ZNF827: variants seen among roughly 807,000 people sequenced by gnomAD.
ZNF827 encodes zinc finger protein 827.
Under a neutral mutation model 102.4 loss-of-function variants are expected in ZNF827, and 13 were observed. That is an observed-to-expected ratio of 0.13 (90% CI 0.08 to 0.20). The LOEUF (loss-of-function observed/expected upper bound fraction) is 0.20, where lower values mean the gene tolerates loss of function less well. Among genes scored for constraint, ZNF827 ranks in the 10% least tolerant of loss-of-function variants. The pLI is 1.00. For synonymous variants in ZNF827, 523 were observed against 536.2 expected, an observed-to-expected ratio of 0.98 and a Z score of 0.34; for missense variants, 1,103 against 1,344.4, an observed-to-expected ratio of 0.82 and a Z score of 2.81.
rs370783606 is a variant in ZNF827, at chr4:145,775,963, G to A, written c.2522-3C>T. 1.2e-6 allele frequency: 2 copies of A among 1,614,100 alleles called. No individual in the cohort carries two copies. The highest frequency in any genetic ancestry group is 8.5e-7 in the Non-Finnish European group (1 of 1,180,012). On this transcript the variant is annotated splice_polypyrimidine_tract_variant and splice_region_variant and intron_variant, in intron 9 of 14. Transcript: ENST00000508784. ...GTGGCATTTGTATTTTCTTTCCTCT[G>A]GGGGAGAAGGAACAGGAAAAAGCCC...
intron 1 of ZNF827, among the ~76,000 whole-genome samples, chr4:145,937,042 G>A (rs1321076101): frequency 6.6e-6 from 1 of 152,038 alleles, no homozygotes; most frequent in Non-Finnish European, 1.5e-5. Flanking sequence ...TGCATTCAAG[G>A]AGCCGGGCGG....
intron 2 of ZNF827, among the ~76,000 whole-genome samples, chr4:145,892,754 ACAGT>A (rs1264364054): frequency 6.6e-6 from 1 of 152,064 alleles, no homozygotes; most frequent in East Asian, 1.9e-4. Context: ...GGCACCATGC[ACAGT>A]CAGAGAAGTC....
At chr4:145,933,338 G>A (rs1478746593) in intron 1 of ZNF827, among the ~76,000 whole-genome samples, 1 of 152,114 alleles carries the variant, frequency 6.6e-6, no homozygotes, top group African/African-American at 2.4e-5. Context: ...TGCTACTTGA[G>A]ACTCAAATTT....
At position 145,938,674 on chromosome 4, in the gene ZNF827, G is replaced by A. The variant is rs1358757572; in HGVS notation, c.-267C>T. 1 of 496,856 alleles carries A rather than the reference G, an allele frequency of 2.0e-6. No homozygotes were observed. Among genetic ancestry groups the A allele is most frequent in the Non-Finnish European group, 3.6e-6 (1 of 278,226 alleles). 30.8% of individuals were successfully genotyped at this position (496,856 alleles called of 1,614,324 possible). A position where few individuals can be genotyped will look rare whatever the true frequency, so the allele number is the denominator to read the frequency against. On this transcript the variant is annotated 5_prime_UTR_variant, in exon 1 of 15. It adds an upstream start codon to the 5' untranslated region. Transcript: ENST00000508784. ...TCGTGCACCTGGCTTGTCCCCGAGC[G>A]TAATATTCTTCAATGGAAACGGATC...
intron 8 of ZNF827, among the ~76,000 whole-genome samples, chr4:145,820,582 A>G (rs1239114837): frequency 6.6e-6 from 1 of 152,102 alleles, no homozygotes; most frequent in Non-Finnish European, 1.5e-5. Context: ...TGGCTTCCCT[A>G]TTTCTGCACA....
chr4:145,925,636 T>C (rs1378961614), intron 1 of ZNF827, among the ~76,000 whole-genome samples: 1 of 152,222 alleles, frequency 6.6e-6, no homozygotes, highest in Non-Finnish European at 1.5e-5. Context: ...GTCACTGCTC[T>C]AACATGACAC....
chr4:145,885,087 G>T (rs1410212940), intron 4 of ZNF827, among the ~76,000 whole-genome samples: 1 of 151,678 alleles, frequency 6.6e-6, no homozygotes, highest in Non-Finnish European at 1.5e-5. Flanking sequence ...ACCTAAAATG[G>T]TTAAAATGGT....
At chr4:145,882,855 C>T (rs928947668) in intron 4 of ZNF827, among the ~76,000 whole-genome samples, 2 of 152,122 alleles carry the variant, frequency 1.3e-5, no homozygotes, top group African/African-American at 4.8e-5. Flanking sequence ...AGAACAATGG[C>T]GCCGTTATAA....
chr4:145,799,579 G>A (rs1332549832), intron 8 of ZNF827, among the ~76,000 whole-genome samples: 15 of 152,162 alleles, frequency 9.9e-5, no homozygotes, highest in Admixed American at 7.2e-4. Flanking sequence ...CCAGACATCT[G>A]AGCAGAGACT....
At chr4:145,776,048 G>A in intron 9 of ZNF827, 88 bp from the exon 10 acceptor site, 1 of 1,479,944 alleles carries the variant, frequency 6.8e-7, no homozygotes, top group African/African-American at 1.4e-5. Flanking sequence ...AGGTATCAAG[G>A]AAAGAATGGT....
At chr4:145,823,284 T>A in intron 8 of ZNF827, 138 bp downstream of exon 8, 1 of 663,406 alleles carries the variant, frequency 1.5e-6, no homozygotes, top group Non-Finnish European at 2.5e-6. Context: ...TTAAATTGAG[T>A]TTCTCCTTCT....
At chr4:145,915,085 T>C (rs1257550949) in intron 1 of ZNF827, among the ~76,000 whole-genome samples, 1 of 152,214 alleles carries the variant, frequency 6.6e-6, no homozygotes, top group Non-Finnish European at 1.5e-5. Context: ...TGCTGCATCA[T>C]GACAACAGAA....
chr4:145,759,347 C>T lies in ZNF827; in HGVS notation c.*2269G>A, dbSNP rs1271446497. 6.6e-6 allele frequency: 1 copy of T among 152,208 alleles called. No individual in the cohort carries two copies. Among genetic ancestry groups the T allele is most frequent in the African/African-American group, 2.4e-5 (1 of 41,446 alleles). 9.4% of individuals were successfully genotyped at this position (152,208 alleles called of 1,614,324 possible). ...AGCAAAGAGCTTTACAACCAACCCA[C>T]ACCTGCTTCCTGCTGCAATAAAGTG... On this transcript the variant is annotated 3_prime_UTR_variant, in exon 15 of 15. Coordinates refer to ENST00000508784, the MANE Select transcript of ZNF827 (RefSeq NM_001306215.2).
At chr4:145,883,003 A>G (rs573466277) in intron 4 of ZNF827, among the ~76,000 whole-genome samples, 2 of 152,118 alleles carry the variant, frequency 1.3e-5, no homozygotes, top group African/African-American at 2.4e-5. Flanking sequence ...CAGGTAGGGC[A>G]TCACAGTGAG....
At chr4:145,886,508 T>G (rs1750131248) in intron 3 of ZNF827, among the ~76,000 whole-genome samples, 1 of 152,168 alleles carries the variant, frequency 6.6e-6, no homozygotes, top group Non-Finnish European at 1.5e-5. Context: ...AATTACTAGT[T>G]GGGGATCAAA....
Position 145,763,053 on chromosome 4 carries a change from G to T in ZNF827, c.*17+37C>A. 1 of 1,527,382 alleles carries T rather than the reference G, an allele frequency of 6.5e-7. No individual in the cohort carries two copies. Among genetic ancestry groups the T allele is most frequent in the Non-Finnish European group, 8.8e-7 (1 of 1,139,884 alleles). The allele number at this position is 1,527,382 out of a possible 1,614,324, so 94.6% of individuals were successfully genotyped here. ...AAATATAAAGCCCATTCCCAGGTCA[G>T]GTGCACACACAACCCCTACGCCAAG... On this transcript the variant is annotated intron_variant, in intron 14 of 14. Coordinates refer to ENST00000508784, the MANE Select transcript of ZNF827 (RefSeq NM_001306215.2). This position sits in a 1 kb window ranked among gnomAD's most constrained non-coding sequence, Gnocchi z 4.6.
chr4:145,923,623 G>A (rs1055285284), intron 1 of ZNF827, among the ~76,000 whole-genome samples: 2 of 151,992 alleles, frequency 1.3e-5, no homozygotes, highest in Admixed American at 6.6e-5. Context: ...ACTGAATGCC[G>A]TAGCAGATAG....
intron 1 of ZNF827, among the ~76,000 whole-genome samples, chr4:145,918,415 T>A (rs4502697): frequency 0.6 from 72,107 of 120,900 alleles, 21,530 homozygotes; most frequent in African/African-American, 0.84. Context: ...TCTTTATATA[T>A]AAAAAAAAAA....
chr4:145,805,429 C>G (rs895826017), intron 8 of ZNF827, among the ~76,000 whole-genome samples: 2 of 152,054 alleles, frequency 1.3e-5, no homozygotes, highest in African/African-American at 2.4e-5. Context: ...TCTGTGATAA[C>G]TTAATGAGAA....
Sources: gnomAD v4.1 joint callset for allele counts (sites outside exome capture counted in the v4.1 genomes callset) on GRCh38, gnomAD v4.1.1 for gene constraint, Gnocchi (gnomAD v3.1) non-coding constraint, MANE v1.5 for transcripts, NCBI Gene and HGNC (gene_info 2026-07-23, HGNC 2026-07-21) for gene names.